GPC6: variants seen among roughly 807,000 people sequenced by gnomAD.
The protein encoded by GPC6 is glypican 6.
A neutral mutation model predicts 55.2 loss-of-function variants in GPC6; 14 were observed. The ratio of observed to expected loss-of-function variants is 0.25; its 90% CI spans 0.17 to 0.40. The LOEUF (loss-of-function observed/expected upper bound fraction) is 0.40, where lower values mean the gene tolerates loss of function less well. Ranked by LOEUF, GPC6 falls within the 10% of genes least tolerant of loss-of-function variation. The pLI is 1.00. For missense variants in GPC6, 641 were observed against 708.5 expected (o/e 0.90, Z 1.08); for synonymous variants, 278 against 259.6 (o/e 1.07, Z -0.68).
At chr13:93,575,492 T>C (rs2139480840) in intron 2 of GPC6, among the ~76,000 whole-genome samples, 1 of 152,270 alleles carries the variant, frequency 6.6e-6, no homozygotes, top group Middle Eastern at 3.4e-3. Context: ...AGATCTGGGC[T>C]GGGACCCAAG....
intron 6 of GPC6, among the ~76,000 whole-genome samples, chr13:94,353,892 T>G (rs1338255990): frequency 6.6e-6 from 1 of 152,160 alleles, no homozygotes; most frequent in Admixed American, 6.5e-5. Flanking sequence ...AAAGTGGTAC[T>G]CAGAACTTTA....
At position 93,771,584 on chromosome 13, in the gene GPC6, T is replaced by G. The variant is rs184993222; in HGVS notation, c.320-58570T>G. On this transcript the variant is annotated intron_variant, in intron 2 of 8. Coordinates refer to ENST00000377047, the MANE Select transcript of GPC6 (RefSeq NM_005708.5). Reference sequence around the variant, plus strand: ...GTGCAGTCCCCTTTTGTTTGTTTCCTCATTTGCCATTTTAAAATAAAGTAA... The same window carrying G: ...GTGCAGTCCCCTTTTGTTTGTTTCCGCATTTGCCATTTTAAAATAAAGTAA... Among the ~76,000 whole-genome samples, 184 of 152,306 alleles carry G rather than the reference T, an allele frequency of 1.2e-3. 4 individuals are homozygous for G. The highest frequency in any genetic ancestry group is 1.5e-4 in the Non-Finnish European group (10 of 68,038).
intron 2 of GPC6, among the ~76,000 whole-genome samples, chr13:93,706,524 C>T (rs1233685701): frequency 2.0e-5 from 3 of 151,868 alleles, no homozygotes; most frequent in Non-Finnish European, 1.5e-5. Flanking sequence ...TTGACAGATT[C>T]TCCTTTGCTT....
At chr13:94,223,611 G>A (rs949230456) in intron 4 of GPC6, among the ~76,000 whole-genome samples, 3 of 152,048 alleles carry the variant, frequency 2.0e-5, no homozygotes, top group Non-Finnish European at 2.9e-5. Context: ...TGCAAACATC[G>A]TTTATTAAAT....
chr13:93,727,055 G>C (rs1883670081), intron 2 of GPC6, among the ~76,000 whole-genome samples: 1 of 152,018 alleles, frequency 6.6e-6, no homozygotes, highest in Non-Finnish European at 1.5e-5. Context: ...GGACAGTCTT[G>C]GGAAAAGGTT....
chr13:94,224,796 G>A (rs1223758210), intron 4 of GPC6, among the ~76,000 whole-genome samples: 1 of 152,072 alleles, frequency 6.6e-6, no homozygotes, highest in Non-Finnish European at 1.5e-5. Flanking sequence ...AATGCCTCGA[G>A]CATCCCTAAG....
At chr13:94,218,601 G>A (rs992561245) in intron 4 of GPC6, among the ~76,000 whole-genome samples, 1 of 152,126 alleles carries the variant, frequency 6.6e-6, no homozygotes, top group African/African-American at 2.4e-5. Flanking sequence ...TGCAAAAGTT[G>A]TGTCCTTTTG....
At chr13:94,203,901 G>T (rs931305913) in intron 4 of GPC6, among the ~76,000 whole-genome samples, 2 of 151,612 alleles carry the variant, frequency 1.3e-5, no homozygotes, top group Non-Finnish European at 2.9e-5. Context: ...TATTTTTCTT[G>T]TATTATAGTT....
At chr13:93,470,378 CAT>C in intron 1 of GPC6, among the ~76,000 whole-genome samples, 1 of 152,192 alleles carries the variant, frequency 6.6e-6, no homozygotes, top group South Asian at 2.1e-4. Context: ...TTGGTAAAAT[CAT>C]AAGGGATTTC....
chr13:93,900,702 T>A (rs1460957411), intron 3 of GPC6, among the ~76,000 whole-genome samples: 1 of 152,174 alleles, frequency 6.6e-6, no homozygotes, highest in African/African-American at 2.4e-5. Flanking sequence ...AAGGTTTCTT[T>A]ACATAGTATT....
intron 2 of GPC6, among the ~76,000 whole-genome samples, chr13:93,607,699 G>T (rs924256432): frequency 4.6e-5 from 7 of 152,164 alleles, no homozygotes; most frequent in African/African-American, 1.7e-4. Flanking sequence ...GGCCAATAAT[G>T]CCTTACCCTT....
At chr13:93,568,577 G>A (rs1876252557) in intron 2 of GPC6, among the ~76,000 whole-genome samples, 1 of 152,092 alleles carries the variant, frequency 6.6e-6, no homozygotes, top group Non-Finnish European at 1.5e-5. Flanking sequence ...CAGTCACTGG[G>A]GCAGAAACCA....
chr13:93,800,929 G>A (rs1886349009), intron 2 of GPC6, among the ~76,000 whole-genome samples: 1 of 152,052 alleles, frequency 6.6e-6, no homozygotes, highest in Non-Finnish European at 1.5e-5. Context: ...AACTTCTTGA[G>A]TTATTTGTTG....
At chr13:94,042,587 A>C (rs1267944477) in intron 4 of GPC6, among the ~76,000 whole-genome samples, 2 of 151,692 alleles carry the variant, frequency 1.3e-5, no homozygotes, top group Non-Finnish European at 2.9e-5. Context: ...ATTGATAAAC[A>C]CTGATCAGTT....
At chr13:93,982,899 TTTATAC>T (rs1880869010) in intron 3 of GPC6, among the ~76,000 whole-genome samples, 1 of 152,180 alleles carries the variant, frequency 6.6e-6, no homozygotes, top group African/African-American at 2.4e-5. Context: ...ATTCAGAATG[TTTATAC>T]TTATATCTGG....
intron 1 of GPC6, among the ~76,000 whole-genome samples, chr13:93,436,531 C>T (rs953736491): frequency 1.7e-4 from 26 of 152,118 alleles, no homozygotes; most frequent in African/African-American, 6.3e-4. Context: ...GGGATAGTTT[C>T]TGGAGCTCCA....
intron 5 of GPC6, among the ~76,000 whole-genome samples, chr13:94,305,357 T>C (rs1875887155): frequency 1.3e-5 from 2 of 152,204 alleles, no homozygotes; most frequent in African/African-American, 4.8e-5. Flanking sequence ...TTCATTAACA[T>C]TGAACTCATA....
At chr13:93,591,048 A>C (rs752706190) in intron 2 of GPC6, among the ~76,000 whole-genome samples, 2 of 151,950 alleles carry the variant, frequency 1.3e-5, no homozygotes, top group Non-Finnish European at 2.9e-5. Context: ...CATAGGGAAA[A>C]TGCAAGTTCT....
intron 1 of GPC6, among the ~76,000 whole-genome samples, chr13:93,393,127 T>TATATATATATAG (rs1230857277): frequency 3.9e-4 from 34 of 87,618 alleles, no homozygotes; most frequent in South Asian, 2.4e-3. Flanking sequence ...TATATATATA[T>TATATATATATAG]AGAGAGAGAG....
Sources: allele counts gnomAD v4.1 joint callset (sites outside exome capture counted in the v4.1 genomes callset), GRCh38; gene constraint gnomAD v4.1.1; transcripts MANE v1.5; gene names NCBI Gene and HGNC (gene_info 2026-07-23, HGNC 2026-07-21).